Variants in SLC25A21 observed in about 807,000 individuals in gnomAD.
SLC25A21 encodes mitochondrial 2-oxodicarboxylate carrier.
SLC25A21 carries 47 observed loss-of-function variants against 43.8 expected under a neutral mutation model. The observed-to-expected ratio is 1.07, with a 90% CI of 0.85 to 1.37. SLC25A21 has a LOEUF of 1.37. SLC25A21 is among the 40% of genes most tolerant of loss of function. The pLI, the probability that SLC25A21 is intolerant of heterozygous loss-of-function variation, is 0.00. For missense variants in SLC25A21, 352 were observed against 350.2 expected, an observed-to-expected ratio of 1.00 and a Z score of -0.04; for synonymous variants, 131 against 121.3, an observed-to-expected ratio of 1.08 and a Z score of -0.52.
chr14:37,086,857 A>C (rs1475765340), intron 1 of SLC25A21, among the ~76,000 whole-genome samples: 1 of 152,178 alleles, frequency 6.6e-6, no homozygotes, highest in Non-Finnish European at 1.5e-5. Context: ...ATAATACATC[A>C]ATTAAAAATA....
chr14:37,015,603 T>C (rs889972065), intron 1 of SLC25A21, among the ~76,000 whole-genome samples: 21 of 151,472 alleles, frequency 1.4e-4, no homozygotes, highest in African/African-American at 5.1e-4. Flanking sequence ...TCTGGATCCC[T>C]GAGGAATCGC....
rs572978727 is a variant in SLC25A21 at position 36,994,835 on chromosome 14, G to A, written c.71-119831C>T. ...GTGGCATTAAACCAATGCAGTCCTC[G>A]TTTCCAACATTATTTAGCTCTTGAA... On this transcript the variant is annotated intron_variant, in intron 1 of 9. Transcript: ENST00000331299. Among the ~76,000 whole-genome samples the A allele has an allele frequency of 4.6e-5, 7 of 152,174 alleles. No individual in the cohort carries two copies. In the South Asian group the frequency reaches 6.2e-4, roughly 14 times the overall value.
In SLC25A21 at chr14:37,056,011, T is replaced by C. The variant is rs951373553; in HGVS notation, c.70+116270A>G. 5.3e-5 allele frequency among the ~76,000 whole-genome samples: 8 copies of C among 152,072 alleles called. 1 individual carries two copies. The highest frequency in any genetic ancestry group is 4.1e-4 in the South Asian group (2 of 4,824). On this transcript the variant is annotated intron_variant, in intron 1 of 9. Transcript: ENST00000331299. ...CCATCTACCTAGTGCAGTCTCATGA[T>C]AGAGTTCTCACGAGATCTTGTTTGA...
In SLC25A21 at chr14:36,755,183, TG is replaced by T. The variant is rs140585458; in HGVS notation, c.204-20611del. ...AAATAATAATGAATGAGGACAAATC[TG>T]GTATCCAACAACATTTTAGAAAAGT... On this transcript the variant is annotated intron_variant, in intron 3 of 9. Coordinates refer to ENST00000331299, the MANE Select transcript of SLC25A21 (RefSeq NM_030631.4). Among the ~76,000 whole-genome samples the T allele has an allele frequency of 8.6e-3, 1,304 of 152,310 alleles. 10 individuals are homozygous for T. Among genetic ancestry groups the T allele is most frequent in the Admixed American group, 0.023 (354 of 15,304 alleles).
At chr14:36,843,685 C>G (rs969338694) in intron 2 of SLC25A21, among the ~76,000 whole-genome samples, 2 of 152,136 alleles carry the variant, frequency 1.3e-5, no homozygotes, top group Non-Finnish European at 2.9e-5. Flanking sequence ...AAGACATTAA[C>G]CAACATTACC....
chr14:36,974,748 AAAC>A (rs141544905), intron 1 of SLC25A21, among the ~76,000 whole-genome samples: 2,295 of 152,304 alleles, frequency 0.015, 57 homozygotes, highest in African/African-American at 0.053. Flanking sequence ...AAACACAAGA[AAAC>A]AAAAAGTTCA....
At chr14:37,068,297 A>C (rs1052340034) in intron 1 of SLC25A21, among the ~76,000 whole-genome samples, 3 of 152,202 alleles carry the variant, frequency 2.0e-5, no homozygotes, top group Non-Finnish European at 4.4e-5. Context: ...ACAGTGATTA[A>C]AGTGCTTTTC....
intron 1 of SLC25A21, among the ~76,000 whole-genome samples, chr14:37,148,924 T>C (rs35281444): frequency 0.22 from 33,674 of 152,138 alleles, 4,222 homozygotes; most frequent in South Asian, 0.3. Flanking sequence ...TCAGTATATA[T>C]AATGCTGGAT....
In SLC25A21 at chr14:36,813,913, C is replaced by T. The variant is rs1192633497; in HGVS notation, c.203+5G>A. The T allele has an allele frequency of 2.6e-6, 4 of 1,566,200 alleles. No homozygotes were observed. Among genetic ancestry groups the T allele is most frequent in the South Asian group, 2.3e-5 (2 of 87,980 alleles). On this transcript the variant is annotated splice_donor_5th_base_variant and intron_variant, in intron 3 of 9. Transcript: ENST00000331299. ...TTAAAATGGCTATATGAAGAATATA[C>T]ATACCCTTCCATTTGGAAAATCATT...
At chr14:36,832,226 T>C (rs943830479) in intron 2 of SLC25A21, among the ~76,000 whole-genome samples, 1 of 152,170 alleles carries the variant, frequency 6.6e-6, no homozygotes, top group Non-Finnish European at 1.5e-5. Flanking sequence ...AGTATGTTTT[T>C]CTTCCAAATC....
chr14:37,047,663 G>A (rs1328414040), intron 1 of SLC25A21, among the ~76,000 whole-genome samples: 1 of 152,194 alleles, frequency 6.6e-6, no homozygotes, highest in East Asian at 1.9e-4. Flanking sequence ...AAACGAATCA[G>A]TAAAGAAGTT....
chr14:37,043,511 A>C (rs1566838007), intron 1 of SLC25A21, among the ~76,000 whole-genome samples: 2 of 152,174 alleles, frequency 1.3e-5, no homozygotes, highest in Non-Finnish European at 2.9e-5. Flanking sequence ...GTTCTGCCTA[A>C]TATGATTCTG....
chr14:37,080,819 T>C (rs997958195), intron 1 of SLC25A21, among the ~76,000 whole-genome samples: 7 of 152,212 alleles, frequency 4.6e-5, no homozygotes, highest in Non-Finnish European at 1.0e-4. Flanking sequence ...ATAATCAAGA[T>C]ATCTCATAGA....
chr14:37,148,912 T>C (rs1332044546), intron 1 of SLC25A21, among the ~76,000 whole-genome samples: 1 of 152,198 alleles, frequency 6.6e-6, no homozygotes, highest in Non-Finnish European at 1.5e-5. Flanking sequence ...ATGAAAACAT[T>C]ATCAGTATAT....
intron 2 of SLC25A21, among the ~76,000 whole-genome samples, chr14:36,820,221 C>T (rs183509182): frequency 6.6e-6 from 1 of 152,286 alleles, no homozygotes; most frequent in East Asian, 1.9e-4. Flanking sequence ...TGCCTTCTCC[C>T]ATTCAGCTCT....
At chr14:36,912,536 T>TAG (rs1555336367) in intron 1 of SLC25A21, among the ~76,000 whole-genome samples, 2 of 152,232 alleles carry the variant, frequency 1.3e-5, no homozygotes, top group African/African-American at 2.4e-5. Flanking sequence ...ATTGAAGAGC[T>TAG]AGTCTCATTG....
At chr14:36,958,988 G>C (rs956805476) in intron 1 of SLC25A21, among the ~76,000 whole-genome samples, 2 of 152,152 alleles carry the variant, frequency 1.3e-5, no homozygotes, top group Non-Finnish European at 2.9e-5. Context: ...TAGTTGTCCA[G>C]TAAATAAATG....
intron 1 of SLC25A21, among the ~76,000 whole-genome samples, chr14:37,108,704 AGTGTGTGTGTGTGTGTGTGT>A (rs56801840): frequency 6.7e-6 from 1 of 149,240 alleles, no homozygotes; most frequent in Non-Finnish European, 1.5e-5. Flanking sequence ...AGTTTTGTTA[AGTGTGTGTGTGTGTGTGTGT>A]GTGTGTGTGT....
intron 7 of SLC25A21, among the ~76,000 whole-genome samples, chr14:36,692,832 C>T (rs1882847695): frequency 6.6e-6 from 1 of 152,198 alleles, no homozygotes; most frequent in African/African-American, 2.4e-5. Flanking sequence ...GGAATCTTCC[C>T]ACCTCATGTC....
Sources: gnomAD v4.1 joint callset for allele counts (sites outside exome capture counted in the v4.1 genomes callset) on GRCh38, gnomAD v4.1.1 for gene constraint, MANE v1.5 for transcripts, NCBI Gene and HGNC (gene_info 2026-07-23, HGNC 2026-07-21) for gene names.